Variants in RGS6 observed in about 807,000 individuals in gnomAD.
RGS6 encodes regulator of G-protein signaling 6.
A neutral mutation model predicts 78.5 loss-of-function variants in RGS6; 30 were observed. The ratio of observed to expected loss-of-function variants is 0.38; its 90% CI spans 0.29 to 0.52. RGS6 has a LOEUF of 0.52. RGS6 is among the 20% of genes least tolerant of loss of function. RGS6 has a pLI of 0.85. For synonymous variants in RGS6, 206 were observed against 206.0 expected (o/e 1.00, Z 0.00); for missense variants, 495 against 609.7 (o/e 0.81, Z 1.98).
chr14:72,563,841 A>T lies in RGS6; in HGVS notation c.*1374A>T, dbSNP rs573119285. On this transcript the variant is annotated 3_prime_UTR_variant, in exon 18 of 18. Coordinates refer to ENST00000553525, the MANE Select transcript of RGS6 (RefSeq NM_001204424.2). ...ATTAAGTAACCTGTTTTGAATCCAG[A>T]CATTCACTCCCCCACTTGCTATGAC... The T allele has an allele frequency of 8.5e-5, 13 of 152,280 alleles. No homozygotes were observed. The East Asian group carries it at 2.5e-3, about 29-fold the overall frequency. 9.4% of individuals were successfully genotyped at this position (152,280 alleles called of 1,614,324 possible). A position where few individuals can be genotyped will look rare whatever the true frequency, so the allele number is the denominator to read the frequency against.
chr14:72,260,677 A>T (rs2057999669), intron 2 of RGS6, among the ~76,000 whole-genome samples: 2 of 152,186 alleles, frequency 1.3e-5, no homozygotes, highest in African/African-American at 4.8e-5. Context: ...ACCATGGGAG[A>T]TTGGCATCTC....
At chr14:72,369,139 G>A (rs1324097045) in intron 3 of RGS6, among the ~76,000 whole-genome samples, 1 of 152,200 alleles carries the variant, frequency 6.6e-6, no homozygotes, top group South Asian at 2.1e-4. Flanking sequence ...GCCACATGTG[G>A]CCCATGGGCC....
At chr14:71,963,110 G>A (rs757032273) in intron 1 of RGS6, among the ~76,000 whole-genome samples, 166 of 152,270 alleles carry the variant, frequency 1.1e-3, no homozygotes, top group Non-Finnish European at 1.9e-3. Context: ...TTACTGCTGA[G>A]GACAATGTAG....
At chr14:72,302,666 A>T (rs1033544379) in intron 2 of RGS6, among the ~76,000 whole-genome samples, 37 of 147,920 alleles carry the variant, frequency 2.5e-4, no homozygotes, top group African/African-American at 7.6e-4. Context: ...GAGGCCCCCA[A>T]CACACACATA....
At chr14:72,402,790 G>GT (rs1167831473) in intron 3 of RGS6, among the ~76,000 whole-genome samples, 10,902 of 75,874 alleles carry the variant, frequency 0.14, 1,314 homozygotes, top group African/African-American at 0.3. Flanking sequence ...TGTTTTTTTG[G>GT]TTTTTTTTTT....
intron 3 of RGS6, among the ~76,000 whole-genome samples, chr14:72,377,852 C>G (rs1044756756): frequency 6.6e-6 from 1 of 152,110 alleles, no homozygotes; most frequent in Non-Finnish European, 1.5e-5. Context: ...GTGCTGCACA[C>G]CTGTGGTCCC....
intron 2 of RGS6, among the ~76,000 whole-genome samples, chr14:72,312,170 C>T (rs1031174404): frequency 1.8e-4 from 27 of 149,752 alleles, no homozygotes; most frequent in South Asian, 2.1e-4. Flanking sequence ...CTCTGGTGTT[C>T]GGTATTAAAG....
At chr14:71,931,384 C>A (rs545582255), upstream of RGS6, among the ~76,000 whole-genome samples, 12 of 152,106 alleles carry the variant, frequency 7.9e-5, no homozygotes, top group Non-Finnish European at 1.3e-4. Context: ...AGAAGAGGGT[C>A]TAACACAGAG....
chr14:72,312,927 T>C (rs2239253), intron 2 of RGS6, among the ~76,000 whole-genome samples: 8,715 of 152,254 alleles, frequency 0.057, 373 homozygotes, highest in East Asian at 0.26. Flanking sequence ...AGACTTTGCT[T>C]TTTTGGAGCC....
At chr14:72,373,687 G>A (rs1204747212) in intron 3 of RGS6, among the ~76,000 whole-genome samples, 1 of 152,154 alleles carries the variant, frequency 6.6e-6, no homozygotes, top group Non-Finnish European at 1.5e-5. Context: ...TTTGTCTTTG[G>A]CTATTAATAG....
intron 2 of RGS6, among the ~76,000 whole-genome samples, chr14:72,166,090 T>TGA (rs1459940514): frequency 1.6e-5 from 2 of 122,368 alleles, no homozygotes; most frequent in Non-Finnish European, 1.7e-5. Context: ...GTCCCATTTT[T>TGA]GAGACACACA....
At chr14:71,915,059 C>T in the RGS6 span, among the ~76,000 whole-genome samples, 56 of 151,056 alleles carry the variant, frequency 3.7e-4, no homozygotes, top group African/African-American at 1.3e-3. Context: ...ACAAGCCTGG[C>T]CAACATGGTG....
intron 3 of RGS6, among the ~76,000 whole-genome samples, chr14:72,370,150 T>TTA (rs1555357845): frequency 6.8e-6 from 1 of 146,786 alleles, no homozygotes; most frequent in Non-Finnish European, 1.5e-5. Context: ...CAAAATCTGG[T>TTA]AAAAAAAAAA....
chr14:72,145,738 C>T (rs987875163), intron 2 of RGS6, among the ~76,000 whole-genome samples: 2 of 152,132 alleles, frequency 1.3e-5, no homozygotes, highest in Admixed American at 6.5e-5. Context: ...CTGCCTTGGC[C>T]TCCCAAAATG....
chr14:72,465,812 A>T lies in RGS6; in HGVS notation c.449A>T (p.Asp150Val). The T allele has an allele frequency of 6.2e-7, 1 of 1,612,674 alleles. No individual in the cohort carries two copies. Among genetic ancestry groups the T allele is most frequent in the Non-Finnish European group, 8.5e-7 (1 of 1,178,616 alleles). The change falls in exon 7 of 18, where the codon GAT becomes GTT. Residue 150 changes from aspartate (D) to valine (V), a missense_variant. Coordinates refer to ENST00000553525, the MANE Select transcript of RGS6 (RefSeq NM_001204424.2). ...MQNKARLELA[D>V]YEAENLARLQ... ...AATAAAGCAAGGCTGGAACTGGCAGATTATGAAGCAGTAAGTATGATTATT... is the reference window on the plus strand; with the variant it reads ...AATAAAGCAAGGCTGGAACTGGCAGTTTATGAAGCAGTAAGTATGATTATT...
intron 14 of RGS6, among the ~76,000 whole-genome samples, chr14:72,517,142 A>G (rs922985122): frequency 6.6e-6 from 1 of 152,128 alleles, no homozygotes; most frequent in African/African-American, 2.4e-5. Flanking sequence ...CCCTAAAAAA[A>G]AAAAAAAAAG....
the RGS6 span, among the ~76,000 whole-genome samples, chr14:72,579,409 C>G: frequency 1.3e-5 from 2 of 152,216 alleles, no homozygotes. Context: ...AAAAGCCAGT[C>G]AGCCAAATAA....
At chr14:72,077,457 CT>C (rs1376207860) in intron 2 of RGS6, among the ~76,000 whole-genome samples, 2 of 151,750 alleles carry the variant, frequency 1.3e-5, no homozygotes, top group African/African-American at 4.8e-5. Context: ...TCTTTCAGTC[CT>C]TTTCTATATT....
chr14:72,120,858 T>G (rs1208635401), intron 2 of RGS6, among the ~76,000 whole-genome samples: 1 of 152,204 alleles, frequency 6.6e-6, no homozygotes, highest in Non-Finnish European at 1.5e-5. Context: ...CTTCTCTATC[T>G]TATTTTGCGG....
Sources: allele counts gnomAD v4.1 joint callset (sites outside exome capture counted in the v4.1 genomes callset), GRCh38; gene constraint gnomAD v4.1.1; transcripts MANE v1.5; gene names NCBI Gene and HGNC (gene_info 2026-07-23, HGNC 2026-07-21).